CELF2: variants seen among roughly 807,000 people sequenced by gnomAD.
CELF2 encodes CUG triplet repeat RNA-binding protein 2.
A neutral mutation model predicts 62.6 loss-of-function variants in CELF2; 8 were observed. The ratio of observed to expected loss-of-function variants is 0.13; its 90% CI spans 0.07 to 0.23. The LOEUF (loss-of-function observed/expected upper bound fraction) is 0.23. Ranked by LOEUF, CELF2 falls within the 10% of genes least tolerant of loss-of-function variation. The pLI is 1.00. For synonymous variants in CELF2, 258 were observed against 250.0 expected, an observed-to-expected ratio of 1.03 and a Z score of -0.30; for missense variants, 333 against 671.0, an observed-to-expected ratio of 0.50 and a Z score of 5.56.
At chr10:10,789,612 C>T in the CELF2 span, among the ~76,000 whole-genome samples, 11 of 152,074 alleles carry the variant, frequency 7.2e-5, no homozygotes, top group African/African-American at 2.2e-4. Context: ...TTCATTGTAC[C>T]TCATTGTATC....
rs868717693 is a variant in CELF2 at position 11,202,400 on chromosome 10, C to T, written c.272-15025C>T. 2.6e-5 allele frequency among the ~76,000 whole-genome samples: 4 copies of T among 152,174 alleles called. No homozygotes were observed. The South Asian group carries it at 6.2e-4, about 24-fold the overall frequency. On this transcript the variant is annotated intron_variant, in intron 2 of 12. Transcript: ENST00000633077. The stretch of plus-strand genomic sequence containing the variant: ...AAAGAAAGGATGGAAAAGTTGTCCC[C>T]GATGGTTTCGGAAGCTGCAGTGAGA...
chr10:11,121,645 T>A (rs911910056), intron 1 of CELF2, among the ~76,000 whole-genome samples: 2 of 152,152 alleles, frequency 1.3e-5, no homozygotes, highest in African/African-American at 4.8e-5. Context: ...TATAAGTTAA[T>A]ATTCTGGTTA....
chr10:10,724,178 T>A, the CELF2 span, among the ~76,000 whole-genome samples: 32 of 152,192 alleles, frequency 2.1e-4, no homozygotes, highest in Non-Finnish European at 3.8e-4. Flanking sequence ...ACCAAAAAAA[T>A]TAAAACTTTT....
the CELF2 span, among the ~76,000 whole-genome samples, chr10:10,538,870 G>A: frequency 2.0e-4 from 31 of 152,260 alleles, no homozygotes; most frequent in African/African-American, 6.5e-4. Flanking sequence ...TCTGATTTTC[G>A]TTAGCATTTT....
At chr10:11,153,483 A>G (rs1050755049) in intron 1 of CELF2, among the ~76,000 whole-genome samples, 2 of 152,106 alleles carry the variant, frequency 1.3e-5, no homozygotes, top group African/African-American at 4.8e-5. Flanking sequence ...GCCCAGTTAC[A>G]TTTGTTGATA....
chr10:10,602,632 A>C, the CELF2 span, among the ~76,000 whole-genome samples: 8 of 152,180 alleles, frequency 5.3e-5, no homozygotes, highest in Non-Finnish European at 1.0e-4. Flanking sequence ...TAATAAATTT[A>C]TTAAACTTTT....
chr10:10,467,483 T>C, the CELF2 span, among the ~76,000 whole-genome samples: 1 of 152,192 alleles, frequency 6.6e-6, no homozygotes, highest in East Asian at 1.9e-4. Context: ...ATTAGCTTTA[T>C]AGTAAGTCTT....
At chr10:10,751,535 C>A in the CELF2 span, among the ~76,000 whole-genome samples, 1 of 152,092 alleles carries the variant, frequency 6.6e-6, no homozygotes, top group Non-Finnish European at 1.5e-5. Flanking sequence ...GTGTTTTTTG[C>A]CTTTTTTTCT....
intron 1 of CELF2, among the ~76,000 whole-genome samples, chr10:11,041,229 C>T (rs1318254192): frequency 6.6e-6 from 1 of 152,212 alleles, no homozygotes; most frequent in East Asian, 1.9e-4. Context: ...CCCAAAGGCC[C>T]CACTTCCTAA....
In CELF2 at chr10:10,995,545, G is replaced by A. The variant is rs1016932458; in HGVS notation, c.89+75546G>A. On this transcript the variant is annotated intron_variant, in intron 2 of 13. Coordinates refer to the CELF2 transcript ENST00000636488. The surrounding 1 kb of genome is among the most constrained non-coding windows in gnomAD (Gnocchi z 4.7). ...ATTTGAGGAATTGGAAGAAGTTCAG[G>A]TGTGCCAGGTGAGAATACCTGAGAG... Among the ~76,000 whole-genome samples the A allele has an allele frequency of 6.6e-6, 1 of 152,218 alleles. No homozygotes were observed. Among genetic ancestry groups the A allele is most frequent in the Non-Finnish European group, 1.5e-5 (1 of 68,040 alleles).
chr10:10,810,874 C>T (rs2055803026), intron 1 of CELF2, among the ~76,000 whole-genome samples: 1 of 152,128 alleles, frequency 6.6e-6, no homozygotes, highest in African/African-American at 2.4e-5. Flanking sequence ...ATGGGATGGG[C>T]AGGAAGAAAA....
the CELF2 span, among the ~76,000 whole-genome samples, chr10:10,630,323 C>T: frequency 1.3e-5 from 2 of 152,176 alleles, no homozygotes; most frequent in Non-Finnish European, 2.9e-5. Context: ...AGTCCACAAT[C>T]TTTACTGACT....
At chr10:10,752,575 A>G in the CELF2 span, among the ~76,000 whole-genome samples, 1 of 143,998 alleles carries the variant, frequency 6.9e-6, no homozygotes. Flanking sequence ...CTGTAATCCC[A>G]GCTACTCAGG....
At chr10:10,769,070 C>T in the CELF2 span, among the ~76,000 whole-genome samples, 1 of 152,186 alleles carries the variant, frequency 6.6e-6, no homozygotes, top group Non-Finnish European at 1.5e-5. Context: ...CTCTCTTCAT[C>T]CTTTTGAGAT....
At chr10:10,718,352 G>A in the CELF2 span, among the ~76,000 whole-genome samples, 6 of 152,060 alleles carry the variant, frequency 3.9e-5, no homozygotes, top group South Asian at 4.1e-4. Context: ...GGCCAGGCGC[G>A]GTGGCTCATG....
intron 1 of CELF2, among the ~76,000 whole-genome samples, chr10:10,872,041 A>G (rs1591405707): frequency 6.6e-6 from 1 of 152,168 alleles, no homozygotes; most frequent in African/African-American, 2.4e-5. Flanking sequence ...TTAATTACTC[A>G]TTTTAGAAAA....
the CELF2 span, among the ~76,000 whole-genome samples, chr10:10,521,305 T>A: frequency 7.9e-5 from 12 of 152,076 alleles, no homozygotes; most frequent in African/African-American, 2.9e-4. Context: ...AGAGCCACCA[T>A]GTCTCAGTAA....
At chr10:10,984,109 A>G (rs1034233524) in intron 2 of CELF2, among the ~76,000 whole-genome samples, 3 of 152,094 alleles carry the variant, frequency 2.0e-5, no homozygotes, top group African/African-American at 7.2e-5. Context: ...CTGTTAATTT[A>G]TTTTACCTTT....
chr10:11,188,038 C>CCTTTCACCTTTTGTGTGT (rs1301238694), intron 2 of CELF2, among the ~76,000 whole-genome samples: 11 of 152,108 alleles, frequency 7.2e-5, no homozygotes, highest in Non-Finnish European at 1.3e-4. Flanking sequence ...GGTGGTAAAT[C>CCTTTCACCTTTTGTGTGT]CTTTCACCTT....
Sources: allele counts gnomAD v4.1 joint callset (sites outside exome capture counted in the v4.1 genomes callset), GRCh38; gene constraint gnomAD v4.1.1; non-coding constraint Gnocchi (gnomAD v3.1); transcripts MANE v1.5; gene names NCBI Gene and HGNC (gene_info 2026-07-23, HGNC 2026-07-21).